QTRT2: variants seen among roughly 807,000 people sequenced by gnomAD.
The protein encoded by QTRT2 is queuine tRNA-ribosyltransferase domain containing 1.
In QTRT2, 32 loss-of-function variants were observed where a neutral mutation model predicts 44.8. The ratio of observed to expected loss-of-function variants is 0.71; its 90% CI spans 0.54 to 0.96. QTRT2 has a LOEUF of 0.96. Ranked by LOEUF, QTRT2 falls within the 40% of genes least tolerant of loss-of-function variation. The probability of loss-of-function intolerance (pLI) is 0.00; values close to 1 mark genes in which losing one functional copy is unlikely to be tolerated. For synonymous variants in QTRT2, 182 were observed against 187.4 expected (o/e 0.97, Z 0.24); for missense variants, 461 against 503.1 (o/e 0.92, Z 0.80).
At position 114,065,222 on chromosome 3, in the gene QTRT2, C is replaced by G; in HGVS notation, c.-21-15C>G. The G allele has an allele frequency of 1.3e-6, 2 of 1,592,374 alleles. No individual in the cohort carries two copies. The highest frequency in any genetic ancestry group is 1.7e-6 in the Non-Finnish European group (2 of 1,162,568). ...TGTGAAGCTCCTTCTATACTTAATG[C>G]TCTTTTCTTGACAGGACCTAGAAGA... On this transcript the variant is annotated splice_polypyrimidine_tract_variant and intron_variant, in intron 2 of 9. Transcript: ENST00000281273.
In QTRT2 at chr3:114,068,538, A is replaced by G. The variant is rs78208778; in HGVS notation, c.333+475A>G. On this transcript the variant is annotated intron_variant, in intron 5 of 9. Coordinates refer to ENST00000281273, the MANE Select transcript of QTRT2 (RefSeq NM_024638.4). ...AGAACAGTATCAAAAGCACCTCATT[A>G]AAAGTGTTAGGCTGAGAGGTGGCCC... 1.4e-4 allele frequency among the ~76,000 whole-genome samples: 22 copies of G among 152,312 alleles called. No homozygotes were observed. In the East Asian group the frequency reaches 4.2e-3, roughly 29 times the overall value.
intron 2 of QTRT2, among the ~76,000 whole-genome samples, chr3:114,061,763 A>G (rs980859238): frequency 1.3e-5 from 2 of 151,932 alleles, no homozygotes; most frequent in Non-Finnish European, 2.9e-5. Context: ...TTTTTTGTAG[A>G]GACAGGGTTT....
chr3:114,085,632 A>G (rs772162304), intron 9 of QTRT2, 41 bp from the exon 10 acceptor site: 7 of 1,533,064 alleles, frequency 4.6e-6, no homozygotes, highest in Middle Eastern at 1.7e-4. Context: ...GATTTCTTGT[A>G]TTCCGTACTT....
chr3:114,058,986 A>G (rs1340139151), intron 2 of QTRT2, among the ~76,000 whole-genome samples: 2 of 152,226 alleles, frequency 1.3e-5, no homozygotes, highest in Non-Finnish European at 2.9e-5. Flanking sequence ...ACTTATATAT[A>G]CAGCTTTCCT....
chr3:114,061,108 C>T (rs2076881639), intron 2 of QTRT2, among the ~76,000 whole-genome samples: 1 of 152,152 alleles, frequency 6.6e-6, no homozygotes, highest in African/African-American at 2.4e-5. Context: ...GAAAGCAGAA[C>T]TGTGAATGGG....
chr3:114,068,251 ATGAAGAACAC>A (rs751728007), intron 5 of QTRT2, 188 bp downstream of exon 5: 1 of 526,594 alleles, frequency 1.9e-6, no homozygotes, highest in Non-Finnish European at 3.5e-6. Context: ...TGAGGTTAAG[ATGAAGAACAC>A]TGTATCCTCA....
intron 6 of QTRT2, 90 bp downstream of exon 6, chr3:114,070,928 T>C: frequency 1.1e-6 from 1 of 951,288 alleles, no homozygotes; most frequent in Non-Finnish European, 1.6e-6. Flanking sequence ...TTCCTCCTAC[T>C]GCTGTGCTCC....
At chr3:114,082,897 T>C (rs2107807159) in intron 9 of QTRT2, 103 bp downstream of exon 9, 3 of 654,908 alleles carry the variant, frequency 4.6e-6, no homozygotes, top group Non-Finnish European at 8.3e-6. Context: ...TCATAAAATA[T>C]TAATAGTTGG....
intron 2 of QTRT2, among the ~76,000 whole-genome samples, chr3:114,060,802 T>C (rs931543156): frequency 1.3e-5 from 2 of 152,174 alleles, no homozygotes; most frequent in Admixed American, 1.3e-4. Context: ...ATCACAACTC[T>C]TGTGCTGTGG....
intron 6 of QTRT2, among the ~76,000 whole-genome samples, chr3:114,076,164 A>G (rs1275519001): frequency 1.3e-5 from 2 of 151,952 alleles, no homozygotes; most frequent in African/African-American, 4.8e-5. Flanking sequence ...TGTACATTTT[A>G]TTTATTTACT....
intron 2 of QTRT2, among the ~76,000 whole-genome samples, chr3:114,063,088 TGGTCC>T (rs1185805175): frequency 6.6e-6 from 1 of 152,244 alleles, no homozygotes; most frequent in Non-Finnish European, 1.5e-5. Context: ...TTAAAAATTC[TGGTCC>T]GTTTAATTTT....
chr3:114,074,702 C>T (rs2077066286), intron 6 of QTRT2, among the ~76,000 whole-genome samples: 1 of 152,156 alleles, frequency 6.6e-6, no homozygotes, highest in South Asian at 2.1e-4. Flanking sequence ...TACTGGAGAG[C>T]CATTGTTGAT....
At chr3:114,068,911 T>C (rs1437203456) in intron 5 of QTRT2, among the ~76,000 whole-genome samples, 1 of 152,176 alleles carries the variant, frequency 6.6e-6, no homozygotes, top group East Asian at 1.9e-4. Context: ...TAGCCAGGTG[T>C]GGTGGCACAC....
At position 114,067,927 on chromosome 3, in the gene QTRT2, A is replaced by G. The variant is rs2076975039; in HGVS notation, c.257-60A>G. 27 of 1,457,810 alleles carry G rather than the reference A, an allele frequency of 1.9e-5. 1 individual carries two copies. In the South Asian group the frequency reaches 2.7e-4, roughly 15 times the overall value. The allele number at this position is 1,457,810 out of a possible 1,614,324, so 90.3% of individuals were successfully genotyped here. On this transcript the variant is annotated intron_variant, in intron 4 of 9. Transcript: ENST00000281273. ...ACACATTGCGAAGCTGCTCCCTGCT[A>G]TAATACAGTGTCATTGTTGATGTAA... is the stretch of plus-strand genomic sequence containing the variant.
chr3:114,064,572 A>G (rs1032677585), intron 2 of QTRT2, among the ~76,000 whole-genome samples: 1 of 152,138 alleles, frequency 6.6e-6, no homozygotes, highest in African/African-American at 2.4e-5. Flanking sequence ...CTTTAAACAC[A>G]TATTAGTCTT....
At chr3:114,068,298 GA>G in intron 5 of QTRT2, 1 of 404,610 alleles carries the variant, frequency 2.5e-6, no homozygotes. Flanking sequence ...AAAAAAATTT[GA>G]GGGTAGAGGA....
chr3:114,085,714 GT>G lies in QTRT2; in HGVS notation c.1060del (p.Tyr354ThrfsTer16). ...AACCCGCTGGTGAGAGGATGTTCCT[GT>G]TACTGCTGTAAGAATCACACTCGGG... ...DFNPLVRGCSCYCCKNHTRAY... is the reference protein window; with the variant it reads ...DFNPLVRGCSXYCCKNHTRAY... On this transcript the variant is annotated frameshift_variant, in exon 10 of 10. Transcript: ENST00000281273. LOFTEE classifies it high-confidence loss of function. 6.2e-7 allele frequency: 1 copy of G among 1,614,174 alleles called. No homozygotes were observed. Among genetic ancestry groups the G allele is most frequent in the Non-Finnish European group, 8.5e-7 (1 of 1,180,028 alleles).
At chr3:114,066,065 T>C (rs138493818) in intron 3 of QTRT2, among the ~76,000 whole-genome samples, 163 bp from the exon 4 acceptor site, 228 of 152,330 alleles carry the variant, frequency 1.5e-3, no homozygotes, top group African/African-American at 5.3e-3. Context: ...TTCTGGCTAA[T>C]GAACCTAGCC....
rs977368084 is a variant in QTRT2, at chr3:114,057,060, A to G, written c.-68A>G. On this transcript the variant is annotated 5_prime_UTR_variant, in exon 2 of 10. Transcript: ENST00000281273. ...CTCATAAATCGTGTGAGCGTCGCCGACACCTCTGAGATAAAAGGGCCCCTT... is the reference window on the plus strand; with the variant it reads ...CTCATAAATCGTGTGAGCGTCGCCGGCACCTCTGAGATAAAAGGGCCCCTT... 1 of 1,381,610 alleles carries G rather than the reference A, an allele frequency of 7.2e-7. No homozygotes were observed. The highest frequency in any genetic ancestry group is 9.3e-7 in the Non-Finnish European group (1 of 1,071,530). 85.6% of individuals were successfully genotyped at this position (1,381,610 alleles called of 1,614,324 possible). A position where few individuals can be genotyped will look rare whatever the true frequency, so the allele number is the denominator to read the frequency against.
Sources: allele counts gnomAD v4.1 joint callset (sites outside exome capture counted in the v4.1 genomes callset), GRCh38; gene constraint gnomAD v4.1.1; transcripts MANE v1.5; gene names NCBI Gene and HGNC (gene_info 2026-07-23, HGNC 2026-07-21).